Variants in CACNA1C observed in about 807,000 individuals in gnomAD.
CACNA1C encodes calcium voltage-gated channel subunit alpha1 C, also known as voltage-dependent L-type calcium channel subunit alpha-1C.
A neutral mutation model predicts 229.0 loss-of-function variants in CACNA1C; 30 were observed. The observed-to-expected ratio is 0.13, with a 90% confidence interval of 0.10 to 0.18. CACNA1C has a LOEUF of 0.18. Ranked by LOEUF, CACNA1C falls within the 10% of genes least tolerant of loss-of-function variation. CACNA1C has a pLI of 1.00. For synonymous variants in CACNA1C, 1,114 were observed against 1,132.5 expected (o/e 0.98, Z 0.33); for missense variants, 1,658 against 2,845.0 (o/e 0.58, Z 9.49).
intron 25 of CACNA1C, 52 bp downstream of exon 25, chr12:2,606,715 G>T (rs112573791): frequency 1.5e-4 from 220 of 1,516,750 alleles, no homozygotes; most frequent in Non-Finnish European, 1.9e-4. Context: ...GCCCCAGGAG[G>T]CTGGAGGCTT....
chr12:2,680,120 C>T (rs529065122), intron 42 of CACNA1C, among the ~76,000 whole-genome samples: 363 of 152,318 alleles, frequency 2.4e-3, no homozygotes, highest in Non-Finnish European at 3.3e-3. Flanking sequence ...GAAACCATCC[C>T]GTCTGCCCTT....
At chr12:2,387,675 G>A (rs555094241) in intron 3 of CACNA1C, among the ~76,000 whole-genome samples, 2 of 152,238 alleles carry the variant, frequency 1.3e-5, no homozygotes, top group East Asian at 3.9e-4. Flanking sequence ...TGGAGCCAAG[G>A]GCTGACACCT....
At chr12:2,320,038 TC>T (rs1206875567) in intron 3 of CACNA1C, among the ~76,000 whole-genome samples, 1 of 152,060 alleles carries the variant, frequency 6.6e-6, no homozygotes, top group Non-Finnish European at 1.5e-5. Context: ...GTATTTCCCT[TC>T]CCTTCTTAGA....
chr12:2,584,185 C>T (rs1348416433), intron 15 of CACNA1C, among the ~76,000 whole-genome samples: 1 of 152,198 alleles, frequency 6.6e-6, no homozygotes, highest in South Asian at 2.1e-4. Context: ...TCAATTACAG[C>T]CAGTCATCTC....
chr12:2,309,713 G>C (rs1043041967), intron 3 of CACNA1C, among the ~76,000 whole-genome samples: 1 of 152,194 alleles, frequency 6.6e-6, no homozygotes, highest in Non-Finnish European at 1.5e-5. Context: ...TAAGAAGAAA[G>C]TATTAAGCAT....
In CACNA1C at chr12:2,566,902, C is replaced by G. The variant is rs1432380627; in HGVS notation, c.1669+320C>G. ...TCTCAGACTCCTGGCTGCCAACTCCCCAGCATGGATTTTAAATACCTGGGG... is the reference window on the plus strand; with the variant it reads ...TCTCAGACTCCTGGCTGCCAACTCCGCAGCATGGATTTTAAATACCTGGGG... On this transcript the variant is annotated intron_variant, in intron 12 of 46. Transcript: ENST00000399655. The surrounding 1 kb of genome is among the most constrained non-coding windows in gnomAD (Gnocchi z 4.0). Among the ~76,000 whole-genome samples, 1 of 152,198 alleles carries G rather than the reference C, an allele frequency of 6.6e-6. No homozygotes were observed. The highest frequency in any genetic ancestry group is 2.4e-5 in the African/African-American group (1 of 41,440).
At chr12:2,318,541 C>G (rs2095809486) in intron 3 of CACNA1C, among the ~76,000 whole-genome samples, 1 of 152,252 alleles carries the variant, frequency 6.6e-6, no homozygotes, top group African/African-American at 2.4e-5. Flanking sequence ...CTGTGCTACG[C>G]TTCTGTAAGC....
chr12:2,241,046 G>T, intron 3 of CACNA1C, among the ~76,000 whole-genome samples: 1 of 152,136 alleles, frequency 6.6e-6, no homozygotes, highest in East Asian at 1.9e-4. Flanking sequence ...ATGCCAGAGT[G>T]AGCCAAGGTT....
chr12:2,157,226 A>G (rs1002325480), intron 3 of CACNA1C, among the ~76,000 whole-genome samples: 1 of 152,228 alleles, frequency 6.6e-6, no homozygotes, highest in African/African-American at 2.4e-5. Context: ...TAATTCCACA[A>G]TGTAAACATG....
intron 1 of CACNA1C, among the ~76,000 whole-genome samples, chr12:2,104,295 T>A (rs1171933290): frequency 6.6e-6 from 1 of 152,218 alleles, no homozygotes; most frequent in Non-Finnish European, 1.5e-5. Flanking sequence ...TTCACATCCC[T>A]TGTAAGTTGT....
chr12:2,424,413 C>T (rs181758074), intron 3 of CACNA1C, among the ~76,000 whole-genome samples: 2 of 151,750 alleles, frequency 1.3e-5, no homozygotes, highest in East Asian at 3.9e-4. Context: ...TGTGGAGGAG[C>T]GTGTGTGAGG....
chr12:2,371,221 G>A (rs1031606461), intron 3 of CACNA1C, among the ~76,000 whole-genome samples: 6 of 152,162 alleles, frequency 3.9e-5, no homozygotes, highest in Admixed American at 6.5e-5. Context: ...GTGTAGTCAG[G>A]TGTTCATCTT....
At chr12:2,667,798 G>A (rs990027244) in intron 37 of CACNA1C, among the ~76,000 whole-genome samples, 1 of 152,180 alleles carries the variant, frequency 6.6e-6, no homozygotes, top group Non-Finnish European at 1.5e-5. Flanking sequence ...TCACTCAGGA[G>A]AAGTGTAACC....
chr12:2,633,589 T>C lies in CACNA1C; in HGVS notation c.3829-708T>C, dbSNP rs777668836. On this transcript the variant is annotated intron_variant, in intron 29 of 46. Coordinates refer to ENST00000399655, the MANE Select transcript of CACNA1C (RefSeq NM_000719.7). This position sits in a 1 kb window ranked among gnomAD's most constrained non-coding sequence, Gnocchi z 5.8. Reference sequence around the variant, plus strand: ...TGCTCTGTTCTTGTCTGTCTAATATTCCTTTTTAATCCCCATCCTGCCTGC... The same window carrying C: ...TGCTCTGTTCTTGTCTGTCTAATATCCCTTTTTAATCCCCATCCTGCCTGC... The C allele has an allele frequency of 9.0e-7, 1 of 1,108,180 alleles. No homozygotes were observed. The highest frequency in any genetic ancestry group is 1.2e-5 in the South Asian group (1 of 80,948). 68.6% of individuals were successfully genotyped at this position (1,108,180 alleles called of 1,614,324 possible).
At chr12:2,645,379 G>T (rs1486956222) in intron 30 of CACNA1C, among the ~76,000 whole-genome samples, 1 of 152,192 alleles carries the variant, frequency 6.6e-6, no homozygotes, top group Non-Finnish European at 1.5e-5. Flanking sequence ...CCCAAGTATT[G>T]ATGGCTACCA....
At chr12:2,516,629 G>T (rs1447523758) in intron 9 of CACNA1C, among the ~76,000 whole-genome samples, 1 of 152,084 alleles carries the variant, frequency 6.6e-6, no homozygotes, top group Admixed American at 6.5e-5. Flanking sequence ...GAGAGAGAGA[G>T]GTAGGGCATT....
chr12:2,179,251 G>C (rs1254324768), intron 3 of CACNA1C, among the ~76,000 whole-genome samples: 2 of 152,206 alleles, frequency 1.3e-5, no homozygotes, highest in African/African-American at 4.8e-5. Context: ...GCTGTGGCAG[G>C]CATCCTGCCA....
rs1433256571 is a variant in CACNA1C at position 2,650,140 on chromosome 12, G to T, written c.3946-1500G>T. The stretch of plus-strand genomic sequence containing the variant: ...AGGCAGCTCTAATTTTGAAATATAA[G>T]AAATATTTTTGCTCTTCTCCTGTTT... On this transcript the variant is annotated intron_variant, in intron 31 of 46. Transcript: ENST00000399655. 1.5e-4 allele frequency among the ~76,000 whole-genome samples: 23 copies of T among 152,150 alleles called. 1 individual carries two copies. Among genetic ancestry groups the T allele is most frequent in the Non-Finnish European group, 2.9e-5 (2 of 68,046 alleles).
At chr12:2,687,936 T>C (rs747373650) in intron 45 of CACNA1C, among the ~76,000 whole-genome samples, 5 of 152,246 alleles carry the variant, frequency 3.3e-5, no homozygotes, top group Admixed American at 6.5e-5. Flanking sequence ...CCCCATTAAC[T>C]GTGAGAACTA....
Sources: gnomAD v4.1 joint callset for allele counts (sites outside exome capture counted in the v4.1 genomes callset) on GRCh38, gnomAD v4.1.1 for gene constraint, Gnocchi (gnomAD v3.1) non-coding constraint, MANE v1.5 for transcripts, NCBI Gene and HGNC (gene_info 2026-07-23, HGNC 2026-07-21) for gene names.